Variants in TNXB observed in about 807,000 individuals in gnomAD.
TNXB encodes tenascin-X.
Under a neutral mutation model 340.5 loss-of-function variants are expected in TNXB, and 183 were observed. That is an observed-to-expected ratio of 0.54 (90% CI 0.48 to 0.61). The LOEUF (loss-of-function observed/expected upper bound fraction) is 0.61, where lower values mean the gene tolerates loss of function less well. TNXB is among the 20% of genes least tolerant of loss of function. The pLI, the probability that TNXB is intolerant of heterozygous loss-of-function variation, is 0.00. For synonymous variants in TNXB, 2,121 were observed against 2,314.5 expected, an observed-to-expected ratio of 0.92 and a Z score of 2.40; for missense variants, 4,613 against 5,446.4, an observed-to-expected ratio of 0.85 and a Z score of 4.82.
At position 32,048,600 on chromosome 6, in the gene TNXB, C is replaced by T. The variant is rs377113619; in HGVS notation, c.9808G>A (p.Val3270Met). The change falls in exon 29 of 44, where the codon GTG becomes ATG. Residue 3270 changes from valine to methionine, a missense_variant. Transcript: ENST00000644971. ...PVEPRLGELAVAAVTSDSVGL... is the reference protein window; with the variant it reads ...PVEPRLGELAMAAVTSDSVGL... ...ACTGAGTCCGAGGTCACGGCCGCCA[C>T]CGCCAGCTCCCCCAGGCGGGGCTCC... 3 of 1,534,572 alleles carry T rather than the reference C, an allele frequency of 2.0e-6. No homozygotes were observed. The East Asian group carries it at 6.9e-5, about 35-fold the overall frequency.
At chr6:32,105,789 G>A (rs1218254008) in intron 1 of TNXB, among the ~76,000 whole-genome samples, 1 of 152,138 alleles carries the variant, frequency 6.6e-6, no homozygotes, top group Non-Finnish European at 1.5e-5. Flanking sequence ...TACTAAAGGT[G>A]AACACATGCA....
rs778066630 is a variant in TNXB, at chr6:32,052,953, C to T, written c.8832G>A (p.Thr2944=). 1.2e-5 allele frequency: 20 copies of T among 1,612,340 alleles called. No homozygotes were observed. The highest frequency in any genetic ancestry group is 1.3e-5 in the African/African-American group (1 of 74,870). The change falls in exon 26 of 44, where the codon ACG becomes ACA. Residue 2944 remains threonine (T), a synonymous_variant. Coordinates refer to ENST00000644971, the MANE Select transcript of TNXB (RefSeq NM_001365276.2). This position sits in a 1 kb window ranked among gnomAD's most constrained non-coding sequence, Gnocchi z 4.7. ...EETPAPTEPS[T]EAPEPPEEPL... is the part of the protein sequence containing the mutation. Reference sequence around the variant, plus strand: ...GCTCCTCAGGGGGCTCCGGGGCCTCCGTGCTGGGTTCTGTGGGGGCGGGAG... The same window carrying T: ...GCTCCTCAGGGGGCTCCGGGGCCTCTGTGCTGGGTTCTGTGGGGGCGGGAG...
At position 32,042,239 on chromosome 6, in the gene TNXB, G is replaced by C. The variant is rs200766440; in HGVS notation, c.12307+27C>G. On this transcript the variant is annotated intron_variant, in intron 41 of 43. Transcript: ENST00000644971. The stretch of plus-strand genomic sequence containing the variant: ...CACAGGGCCCCCATCCCCATCCGTA[G>C]TTCCCCAGTCCCTGTGAGGCACTGA... 0.12 allele frequency: 102,867 copies of C among 830,308 alleles called. 1,829 individuals are homozygous for C. Among genetic ancestry groups the C allele is most frequent in the East Asian group, 0.3 (10,250 of 34,412 alleles). 51.4% of individuals were successfully genotyped at this position (830,308 alleles called of 1,614,324 possible).
rs1448778367 is a variant in TNXB, at chr6:32,069,929, G to A, written c.5279-68C>T. Reference sequence around the variant, plus strand: ...GAAGACTGGGTGACCTCGACGGGCAGGATTGAGAGGTCTGGAGACAGGGCT... The same window carrying A: ...GAAGACTGGGTGACCTCGACGGGCAAGATTGAGAGGTCTGGAGACAGGGCT... On this transcript the variant is annotated intron_variant, in intron 14 of 43. Transcript: ENST00000644971. The surrounding 1 kb of genome is among the most constrained non-coding windows in gnomAD (Gnocchi z 6.2). 1.4e-6 allele frequency: 2 copies of A among 1,473,932 alleles called. No individual in the cohort carries two copies. The highest frequency in any genetic ancestry group is 1.4e-5 in the African/African-American group (1 of 71,520). The allele number at this position is 1,473,932 out of a possible 1,614,324, so 91.3% of individuals were successfully genotyped here. A position where few individuals can be genotyped will look rare whatever the true frequency, so the allele number is the denominator to read the frequency against.
chr6:32,069,843 T>C lies in TNXB; in HGVS notation c.5297A>G (p.Asp1766Gly), dbSNP rs754409715. Residue 1766 changes from aspartate to glycine, a missense_variant, in exon 15 of 44, where the codon GAT (aspartate) becomes GGT (glycine). Around this residue, in one of 7 missense-constraint regions of TNXB, gnomAD observed 4,327 missense variants for 4,859.4 expected, o/e 0.89. Transcript: ENST00000644971. This position sits in a 1 kb window ranked among gnomAD's most constrained non-coding sequence, Gnocchi z 6.2. ...TGGGGGACGCTTTGTTCCAGTATCA[T>C]CCATAGCACTCCGGGCTTCTGAGAT... ...DGTTEARSAMDDTGTKRPPKP... is the reference protein window; with the variant it reads ...DGTTEARSAMGDTGTKRPPKP... 3 of 1,594,458 alleles carry C rather than the reference T, an allele frequency of 1.9e-6. No homozygotes were observed. The highest frequency in any genetic ancestry group is 1.7e-5 in the Admixed American group (1 of 58,268).
At chr6:32,078,022 CAGAAAGAAAGGAAAAAA>C (rs1779177773) in intron 11 of TNXB, among the ~76,000 whole-genome samples, 2 of 94,534 alleles carry the variant, frequency 2.1e-5, no homozygotes, top group Admixed American at 1.1e-4. Context: ...GCTCAAAAAA[CAGAAAGAAAGGAAAAAA>C]AGAAAGAAAG....
rs768081210 is a variant in TNXB, at chr6:32,046,208, G to A, written c.10573C>T (p.Arg3525Cys). The change falls in exon 31 of 44, where the codon CGC becomes TGC. Residue 3525 changes from arginine to cysteine, a missense_variant. Around this residue, in one of 7 missense-constraint regions of TNXB, gnomAD observed 4,327 missense variants for 4,859.4 expected, o/e 0.89. Coordinates refer to ENST00000644971, the MANE Select transcript of TNXB (RefSeq NM_001365276.2). This position sits in a 1 kb window ranked among gnomAD's most constrained non-coding sequence, Gnocchi z 6.9. ...CCCAGGGCAGAGACCGGGCCCAGGC[G>A]CTTTCCCCCAAGGAGCCCGTAGAGC... ...FLLYGLLGGK[R>C]LGPVSALGMT... The A allele has an allele frequency of 3.0e-5, 48 of 1,592,312 alleles. No homozygotes were observed. Among genetic ancestry groups the A allele is most frequent in the South Asian group, 3.4e-5 (3 of 89,168 alleles).
At chr6:32,101,751 T>C (rs1444538512) in intron 1 of TNXB, among the ~76,000 whole-genome samples, 2 of 151,936 alleles carry the variant, frequency 1.3e-5, no homozygotes, top group African/African-American at 2.4e-5. Flanking sequence ...TAAGATAAAC[T>C]CTACCTCTGT....
At chr6:32,100,293 C>T (rs1168536665) in intron 1 of TNXB, among the ~76,000 whole-genome samples, 3 of 151,950 alleles carry the variant, frequency 2.0e-5, no homozygotes, top group Admixed American at 6.6e-5. Flanking sequence ...TTAGTAGAGA[C>T]GGGGCTTCAC....
chr6:32,097,079 G>C lies in TNXB; in HGVS notation c.774C>G (p.Arg258=). ...CACACACGCAGCGCCCACCCTCACA[G>C]CGTCCCCTCTGGCTGCAACCTCGAG... ...SCPRGCSQRG[R]CEGGRCVCDP... The change falls in exon 3 of 44, where the codon CGC becomes CGG. Residue 258 remains arginine, a synonymous_variant. Coordinates refer to ENST00000644971, the MANE Select transcript of TNXB (RefSeq NM_001365276.2). The surrounding 1 kb of genome is among the most constrained non-coding windows in gnomAD (Gnocchi z 5.9). 6.2e-7 allele frequency: 1 copy of C among 1,613,672 alleles called. No individual in the cohort carries two copies. The highest frequency in any genetic ancestry group is 1.1e-5 in the South Asian group (1 of 91,050).
At chr6:32,048,259 G>A in intron 29 of TNXB, 104 bp downstream of exon 29, 1 of 1,268,940 alleles carries the variant, frequency 7.9e-7, no homozygotes, top group Non-Finnish European at 1.1e-6. Flanking sequence ...CAATAAATCA[G>A]TGGGTGCTGA....
Position 32,073,089 on chromosome 6 carries a change from A to G in TNXB, c.4681+558T>C, listed in dbSNP as rs1448126271. On this transcript the variant is annotated intron_variant, in intron 12 of 43. Transcript: ENST00000644971. The surrounding 1 kb of genome is among the most constrained non-coding windows in gnomAD (Gnocchi z 4.6). Reference sequence around the variant, plus strand: ...TTTCACCAGATGCCACAGCACAACAATCATGGAGAACCTGTGCCCAGGAAG... The same window carrying G: ...TTTCACCAGATGCCACAGCACAACAGTCATGGAGAACCTGTGCCCAGGAAG... Among the ~76,000 whole-genome samples, 1 of 152,196 alleles carries G rather than the reference A, an allele frequency of 6.6e-6. No homozygotes were observed. The highest frequency in any genetic ancestry group is 1.5e-5 in the Non-Finnish European group (1 of 68,038).
chr6:32,056,888 G>T lies in TNXB; in HGVS notation c.7841C>A (p.Thr2614Asn). Residue 2614 changes from threonine (T) to asparagine (N), a missense_variant, in exon 23 of 44, where the codon ACC becomes AAC. By Grantham distance (65) the Thr-to-Asn change is moderately conservative (BLOSUM62 0). Around this residue, in one of 7 missense-constraint regions of TNXB, gnomAD observed 4,327 missense variants for 4,859.4 expected, o/e 0.89. Transcript: ENST00000644971. The part of the protein sequence containing the change: ...AVGVTEDEAE[T>N]TQAVPTMTPE... ...GGTCATGGTAGGCACTGCTTGGGTG[G>T]TCTCGGCTTCATCCTCTGGAGTTGG... 1 of 1,611,602 alleles carries T rather than the reference G, an allele frequency of 6.2e-7. No homozygotes were observed. The highest frequency in any genetic ancestry group is 1.3e-5 in the African/African-American group (1 of 74,968).
Position 32,097,381 on chromosome 6 carries a change from A to G in TNXB, c.472T>C (p.Cys158Arg). The change falls in exon 3 of 44, where the codon TGT (cysteine) becomes CGT (arginine). Residue 158 changes from cysteine (C) to arginine (R), a missense_variant. Transcript: ENST00000644971. This position sits in a 1 kb window ranked among gnomAD's most constrained non-coding sequence, Gnocchi z 5.9. ...VFDLSRCTCS[C>R]EPGWGGPTCS... ...GTGGGCCCACCCCAGCCTGGCTCACAGGAACAGGTGCAGCGGCTCAGATCA... is the reference window on the plus strand; with the variant it reads ...GTGGGCCCACCCCAGCCTGGCTCACGGGAACAGGTGCAGCGGCTCAGATCA... 1 of 1,611,350 alleles carries G rather than the reference A, an allele frequency of 6.2e-7. No homozygotes were observed. Among genetic ancestry groups the G allele is most frequent in the East Asian group, 2.2e-5 (1 of 44,790 alleles).
At position 32,096,923 on chromosome 6, in the gene TNXB, G is replaced by A. The variant is rs1780430929; in HGVS notation, c.930C>T (p.Ser310=). The A allele has an allele frequency of 1.9e-6, 3 of 1,580,306 alleles. No homozygotes were observed. Among genetic ancestry groups the A allele is most frequent in the Non-Finnish European group, 2.6e-6 (3 of 1,151,114 alleles). The change falls in exon 3 of 44, where the codon AGC becomes AGT. Residue 310 remains serine, a synonymous_variant. Coordinates refer to ENST00000644971, the MANE Select transcript of TNXB (RefSeq NM_001365276.2). The part of the protein sequence containing the change: ...GYTGEDCGVR[S]CPRGCSQRGR... ...CCCGCTGGCTGCAGCCCCGAGGGCA[G>A]CTCCTCACCCCACAGTCCTCGCCAG...
rs1459199959 is a variant in TNXB, at chr6:32,072,303, G to A, written c.4682-5C>T. On this transcript the variant is annotated splice_region_variant and splice_polypyrimidine_tract_variant and intron_variant, in intron 12 of 43. Coordinates refer to ENST00000644971, the MANE Select transcript of TNXB (RefSeq NM_001365276.2). The surrounding 1 kb of genome is among the most constrained non-coding windows in gnomAD (Gnocchi z 4.4). ...CTGGGGCTGGTGGGAGGGGAGCTGGGATTTGGGAAGACAAAGAACATGGTT... is the reference window on the plus strand; with the variant it reads ...CTGGGGCTGGTGGGAGGGGAGCTGGAATTTGGGAAGACAAAGAACATGGTT... The A allele has an allele frequency of 6.3e-7, 1 of 1,589,686 alleles. No individual in the cohort carries two copies.
At position 32,082,388 on chromosome 6, in the gene TNXB, T is replaced by C; in HGVS notation, c.3446-62A>G. On this transcript the variant is annotated intron_variant, in intron 8 of 43. Coordinates refer to ENST00000644971, the MANE Select transcript of TNXB (RefSeq NM_001365276.2). This position sits in a 1 kb window ranked among gnomAD's most constrained non-coding sequence, Gnocchi z 5.0. ...GTCCAAGGAGAATGGGGAAGCCAAATCCCACATAGGAATGCTGTGTGAGGC... is the reference window on the plus strand; with the variant it reads ...GTCCAAGGAGAATGGGGAAGCCAAACCCCACATAGGAATGCTGTGTGAGGC... 2.0e-6 allele frequency: 3 copies of C among 1,483,434 alleles called. No homozygotes were observed. The highest frequency in any genetic ancestry group is 2.7e-6 in the Non-Finnish European group (3 of 1,098,452). The allele number at this position is 1,483,434 out of a possible 1,614,324, so 91.9% of individuals were successfully genotyped here. A position where few individuals can be genotyped will look rare whatever the true frequency, so the allele number is the denominator to read the frequency against.
chr6:32,069,679 G>T lies in TNXB; in HGVS notation c.5461C>A (p.Pro1821Thr). The T allele has an allele frequency of 6.2e-7, 1 of 1,613,024 alleles. No homozygotes were observed. Among genetic ancestry groups the T allele is most frequent in the Non-Finnish European group, 8.5e-7 (1 of 1,179,614 alleles). The stretch of plus-strand genomic sequence containing the variant: ...ACCTCCCTGAGGCTGCCCTCCACGG[G>T]CACCACCTGGGGCTGCCCGTCCCTG... Reference protein sequence around the residue: ...KDRDGQPQVVPVEGSLREVSV... With the variant: ...KDRDGQPQVVTVEGSLREVSV... Residue 1821 changes from proline to threonine, a missense_variant, in exon 15 of 44, where the codon CCC becomes ACC. Transcript: ENST00000644971. The surrounding 1 kb of genome is among the most constrained non-coding windows in gnomAD (Gnocchi z 6.2).
At chr6:32,078,793 T>A (rs1186750969) in intron 11 of TNXB, among the ~76,000 whole-genome samples, 1 of 152,208 alleles carries the variant, frequency 6.6e-6, no homozygotes, top group Non-Finnish European at 1.5e-5. Context: ...ACCCTCACAA[T>A]AACTCTGTGA....
Sources: gnomAD v4.1 joint callset for allele counts (sites outside exome capture counted in the v4.1 genomes callset) on GRCh38, gnomAD v4.1.1 for gene constraint, gnomAD v4.1.1 regional missense constraint, Gnocchi (gnomAD v3.1) non-coding constraint, MANE v1.5 for transcripts, NCBI Gene and HGNC (gene_info 2026-07-23, HGNC 2026-07-21) for gene names.